CPA6: variants seen among roughly 807,000 people sequenced by gnomAD.
The protein encoded by CPA6 is carboxypeptidase A6.
Under a neutral mutation model 63.3 loss-of-function variants are expected in CPA6, and 58 were observed. The ratio of observed to expected loss-of-function variants is 0.92; its 90% CI spans 0.74 to 1.14. The LOEUF is 1.14. Among genes scored for constraint, CPA6 ranks in the 50% most tolerant of loss-of-function variants. The pLI is 0.00. For synonymous variants in CPA6, 185 were observed against 179.0 expected, an observed-to-expected ratio of 1.03 and a Z score of -0.27; for missense variants, 565 against 526.6, an observed-to-expected ratio of 1.07 and a Z score of -0.71.
At chr8:67,655,223 C>G (rs183358922) in intron 1 of CPA6, among the ~76,000 whole-genome samples, 8 of 152,212 alleles carry the variant, frequency 5.3e-5, no homozygotes, top group Middle Eastern at 3.4e-3. Context: ...AATAAAAAGA[C>G]AGTACCAACA....
At chr8:67,444,964 T>C (rs1040332004) in intron 8 of CPA6, among the ~76,000 whole-genome samples, 6 of 151,936 alleles carry the variant, frequency 3.9e-5, no homozygotes, top group African/African-American at 1.2e-4. Flanking sequence ...TCAAGGAGAG[T>C]GTGGTTAGCC....
chr8:67,719,297 A>G (rs1817446087), intron 1 of CPA6, among the ~76,000 whole-genome samples: 1 of 152,148 alleles, frequency 6.6e-6, no homozygotes, highest in Non-Finnish European at 1.5e-5. Flanking sequence ...GCTGAAGGTC[A>G]GGGACAACTC....
At chr8:67,711,663 C>T (rs1208666060) in intron 1 of CPA6, among the ~76,000 whole-genome samples, 1 of 147,832 alleles carries the variant, frequency 6.8e-6, no homozygotes, top group Non-Finnish European at 1.5e-5. Context: ...TATATGTATG[C>T]ATGTGGTATA....
chr8:67,540,412 C>T (rs967979416), intron 2 of CPA6, among the ~76,000 whole-genome samples: 1 of 152,124 alleles, frequency 6.6e-6, no homozygotes, highest in African/African-American at 2.4e-5. Context: ...CAGATGCCAG[C>T]CAGAGCTCTC....
chr8:67,563,749 C>T (rs550302707), intron 2 of CPA6, among the ~76,000 whole-genome samples: 1 of 152,150 alleles, frequency 6.6e-6, no homozygotes, highest in Admixed American at 6.5e-5. Context: ...TTTTCTCATG[C>T]TTTCTCTTTA....
intron 8 of CPA6, among the ~76,000 whole-genome samples, chr8:67,461,824 C>G (rs1273240880): frequency 6.6e-6 from 1 of 152,174 alleles, no homozygotes; most frequent in East Asian, 1.9e-4. Context: ...GGGGCTGACC[C>G]CCCCACCTCC....
At chr8:67,699,423 A>T (rs1446627667) in intron 1 of CPA6, among the ~76,000 whole-genome samples, 1 of 151,806 alleles carries the variant, frequency 6.6e-6, no homozygotes, top group Non-Finnish European at 1.5e-5. Flanking sequence ...ACAGAGCCAG[A>T]CTCTGTCTCA....
chr8:67,475,789 CTTTCTTTCTTTCTTTCTTT>C (rs1563967323), intron 8 of CPA6, among the ~76,000 whole-genome samples: 1 of 76,948 alleles, frequency 1.3e-5, no homozygotes. Flanking sequence ...TTCTTTCTTT[CTTTCTTTCTTTCTTTCTTT>C]CTTTCTTTCC....
At chr8:67,728,775 G>C (rs1471836450) in intron 1 of CPA6, among the ~76,000 whole-genome samples, 1 of 152,192 alleles carries the variant, frequency 6.6e-6, no homozygotes. Context: ...GGGATATTAA[G>C]TAATTCCTTC....
At chr8:67,630,802 C>T (rs750796923) in intron 1 of CPA6, among the ~76,000 whole-genome samples, 6 of 152,336 alleles carry the variant, frequency 3.9e-5, no homozygotes, top group Middle Eastern at 6.8e-3. Flanking sequence ...GCAGGCTCCG[C>T]GGCCCCGCAC....
At chr8:67,658,649 C>T (rs1160950581) in intron 1 of CPA6, among the ~76,000 whole-genome samples, 1 of 152,216 alleles carries the variant, frequency 6.6e-6, no homozygotes, top group Non-Finnish European at 1.5e-5. Context: ...TCTAACTGCT[C>T]ATCTCTTCCT....
intron 1 of CPA6, among the ~76,000 whole-genome samples, chr8:67,654,606 T>C (rs763486027): frequency 1.3e-5 from 2 of 152,212 alleles, no homozygotes; most frequent in Non-Finnish European, 2.9e-5. Flanking sequence ...TTATCATTTT[T>C]TATTGTGTCT....
At chr8:67,523,514 G>A (rs1346458220) in intron 2 of CPA6, among the ~76,000 whole-genome samples, 3 of 152,302 alleles carry the variant, frequency 2.0e-5, no homozygotes, top group Non-Finnish European at 1.5e-5. Flanking sequence ...GGGGGAAAGA[G>A]TGAGATTCCA....
At chr8:67,456,364 C>T (rs1810677548) in intron 8 of CPA6, among the ~76,000 whole-genome samples, 1 of 152,002 alleles carries the variant, frequency 6.6e-6, no homozygotes, top group Non-Finnish European at 1.5e-5. Context: ...CCTGATTGCC[C>T]AAACCAGAAA....
chr8:67,490,878 A>G (rs1811588977), intron 6 of CPA6, among the ~76,000 whole-genome samples: 1 of 152,146 alleles, frequency 6.6e-6, no homozygotes, highest in African/African-American at 2.4e-5. Context: ...TCATGACAGC[A>G]TGGAATATGG....
chr8:67,627,054 T>C (rs896105566), intron 1 of CPA6, among the ~76,000 whole-genome samples: 6 of 152,094 alleles, frequency 3.9e-5, no homozygotes, highest in African/African-American at 1.4e-4. Flanking sequence ...TTCTCAGGTG[T>C]GACTTTAGAA....
intron 8 of CPA6, among the ~76,000 whole-genome samples, chr8:67,474,068 T>A (rs1278692669): frequency 1.3e-5 from 2 of 152,092 alleles, no homozygotes; most frequent in African/African-American, 4.8e-5. Context: ...TCCATAATGG[T>A]AGCAGGCAGT....
chr8:67,508,885 C>T (rs1028134371), intron 5 of CPA6, among the ~76,000 whole-genome samples: 7 of 152,032 alleles, frequency 4.6e-5, no homozygotes, highest in African/African-American at 1.7e-4. Flanking sequence ...AAAGAACTAC[C>T]TGAAACTGGG....
chr8:67,666,775 G>A (rs1474135754), intron 1 of CPA6, among the ~76,000 whole-genome samples: 1 of 152,126 alleles, frequency 6.6e-6, no homozygotes, highest in African/African-American at 2.4e-5. Context: ...TTGGGGGAAA[G>A]GGAAGGGCCA....
Sources: gnomAD v4.1 joint callset for allele counts (sites outside exome capture counted in the v4.1 genomes callset) on GRCh38, gnomAD v4.1.1 for gene constraint, MANE v1.5 for transcripts, NCBI Gene and HGNC (gene_info 2026-07-23, HGNC 2026-07-21) for gene names.